The following TTC6 variants were observed in gnomAD, a reference collection of about 807,000 sequenced individuals.
The protein encoded by TTC6 is tetratricopeptide repeat protein 6.
TTC6 carries 172 observed loss-of-function variants against 210.4 expected under a neutral mutation model. The observed-to-expected ratio is 0.82, with a 90% CI of 0.72 to 0.93. The LOEUF (loss-of-function observed/expected upper bound fraction) is 0.93, where lower values mean the gene tolerates loss of function less well. Among genes scored for constraint, TTC6 ranks in the 40% least tolerant of loss-of-function variants. The probability of loss-of-function intolerance (pLI) is 0.00; values close to 1 mark genes in which losing one functional copy is unlikely to be tolerated. For missense variants in TTC6, 2,414 were observed against 2,318.1 expected (o/e 1.04, Z -0.85); for synonymous variants, 804 against 819.6 (o/e 0.98, Z 0.32).
intron 14 of TTC6, among the ~76,000 whole-genome samples, chr14:37,756,167 A>G (rs2095966968): frequency 6.6e-6 from 1 of 152,190 alleles, no homozygotes; most frequent in Non-Finnish European, 1.5e-5. Context: ...TTATTGGTGT[A>G]TAGGAATGCT....
chr14:37,791,311 A>G (rs1595272094), intron 16 of TTC6, among the ~76,000 whole-genome samples: 2 of 152,302 alleles, frequency 1.3e-5, no homozygotes, highest in East Asian at 3.9e-4. Context: ...AAACACTAAT[A>G]CCATGTAGAC....
intron 1 of TTC6, among the ~76,000 whole-genome samples, chr14:37,647,779 A>T (rs1355053526): frequency 2.6e-5 from 4 of 152,146 alleles, no homozygotes; most frequent in African/African-American, 9.7e-5. Context: ...GCTAGAAAGC[A>T]AAAGAGACCT....
intron 1 of TTC6, among the ~76,000 whole-genome samples, chr14:37,640,439 T>C (rs893042112): frequency 4.6e-5 from 7 of 152,206 alleles, no homozygotes; most frequent in Non-Finnish European, 1.0e-4. Flanking sequence ...CAGGTACAAT[T>C]ACTTGGATAT....
chr14:37,639,715 CAAAAAAAA>C (rs35837305), intron 1 of TTC6, among the ~76,000 whole-genome samples: 1 of 74,196 alleles, frequency 1.3e-5, no homozygotes, highest in Admixed American at 1.7e-4. Context: ...ACAAGAAATA[CAAAAAAAA>C]AAAAAAAAAA....
chr14:37,820,985 T>C (rs997645161), intron 26 of TTC6, among the ~76,000 whole-genome samples: 1 of 141,214 alleles, frequency 7.1e-6, no homozygotes, highest in Non-Finnish European at 1.5e-5. Context: ...TTCCTCTTCA[T>C]CCTGTTCCTC....
intron 7 of TTC6, among the ~76,000 whole-genome samples, chr14:37,728,417 CAAAA>C (rs5807966): frequency 6.7e-6 from 1 of 148,402 alleles, no homozygotes. Flanking sequence ...CTATCACTAC[CAAAA>C]AAAAAAAAAA....
At chr14:37,770,873 T>G (rs1369078464) in intron 14 of TTC6, among the ~76,000 whole-genome samples, 15 of 150,834 alleles carry the variant, frequency 9.9e-5, no homozygotes, top group Non-Finnish European at 1.8e-4. Context: ...TTTCGCTCAT[T>G]AGTTGATGCA....
At chr14:37,596,891 C>T (rs761746595) in intron 1 of TTC6, among the ~76,000 whole-genome samples, 3 of 151,944 alleles carry the variant, frequency 2.0e-5, no homozygotes, top group African/African-American at 7.3e-5. Flanking sequence ...TGAAATCTGG[C>T]AAGAGAATCA....
At chr14:37,816,060 A>G (rs1053406533) in intron 25 of TTC6, among the ~76,000 whole-genome samples, 2 of 152,054 alleles carry the variant, frequency 1.3e-5, no homozygotes, top group Non-Finnish European at 2.9e-5. Flanking sequence ...AGCAAAAAAA[A>G]AAAAAAAATC....
Position 37,750,587 on chromosome 14 carries a change from C to A in TTC6, c.2957-466C>A, listed in dbSNP as rs553830926. Among the ~76,000 whole-genome samples, 7 of 152,160 alleles carry A rather than the reference C, an allele frequency of 4.6e-5. No individual in the cohort carries two copies. In the South Asian group the frequency reaches 1.5e-3, roughly 32 times the overall value. On this transcript the variant is annotated intron_variant, in intron 12 of 30. Transcript: ENST00000553443. ...AGAACAAATTTGGCATTGTCGAAATCAAAATTAAATGAAATGGGCCCAGGC... is the reference window on the plus strand; with the variant it reads ...AGAACAAATTTGGCATTGTCGAAATAAAAATTAAATGAAATGGGCCCAGGC...
At chr14:37,760,485 C>T (rs577292041) in intron 14 of TTC6, among the ~76,000 whole-genome samples, 49 of 152,300 alleles carry the variant, frequency 3.2e-4, no homozygotes, top group African/African-American at 1.1e-3. Context: ...GGTCAGGGAC[C>T]CACTTGAGGA....
chr14:37,608,249 T>C (rs1223044194), intron 2 of TTC6, among the ~76,000 whole-genome samples: 1 of 152,168 alleles, frequency 6.6e-6, no homozygotes, highest in African/African-American at 2.4e-5. Flanking sequence ...TTATTTATAG[T>C]TTCTGCCTTT....
At chr14:37,836,826 A>T (rs1433115982) in intron 29 of TTC6, among the ~76,000 whole-genome samples, 1 of 152,134 alleles carries the variant, frequency 6.6e-6, no homozygotes, top group Non-Finnish European at 1.5e-5. Flanking sequence ...AGGGTCCCTC[A>T]TCTGATCTAA....
At chr14:37,674,637 A>G (rs2138504667) in intron 1 of TTC6, among the ~76,000 whole-genome samples, 1 of 152,294 alleles carries the variant, frequency 6.6e-6, no homozygotes, top group East Asian at 1.9e-4. Flanking sequence ...CGTGTGCTCA[A>G]CCGCTTTATC....
exon 15 of TTC6, chr14:37,787,628 A>T: frequency 6.8e-7 from 1 of 1,474,230 alleles, no homozygotes. Flanking sequence ...ACAGGATTAT[A>T]GTGTTTCAGG....
At chr14:37,832,331 T>C (rs796107546) in intron 29 of TTC6, among the ~76,000 whole-genome samples, 11 of 3,636 alleles carry the variant, frequency 3.0e-3, no homozygotes, top group Non-Finnish European at 0.011. Context: ...CTTTCTCTCT[T>C]TTTTTTTTTT....
intron 16 of TTC6, among the ~76,000 whole-genome samples, chr14:37,791,858 C>T (rs552914029): frequency 5.3e-5 from 8 of 152,058 alleles, no homozygotes; most frequent in African/African-American, 1.9e-4. Context: ...GGATTTTAAC[C>T]CCAAGCCACC....
intron 3 of TTC6, among the ~76,000 whole-genome samples, chr14:37,692,668 G>C (rs553865169): frequency 2.6e-5 from 4 of 151,912 alleles, no homozygotes; most frequent in African/African-American, 4.8e-5. Context: ...AGACAAGCCT[G>C]GCCAACACAG....
Position 37,826,231 on chromosome 14 carries a change from A to G in TTC6, c.5011A>G (p.Thr1671Ala), listed in dbSNP as rs1256446586. Residue 1671 changes from threonine (T) to alanine (A), a missense_variant, in exon 28 of 31, where the codon ACC becomes GCC. Transcript: ENST00000553443. ...ATTCCAGAAAGCTTGGAACCACTTT[A>G]CCATTGCCATAGATACTGATCCAAA... is the stretch of plus-strand genomic sequence containing the variant. The G allele has an allele frequency of 2.5e-6, 4 of 1,608,608 alleles. No individual in the cohort carries two copies. In the South Asian group the frequency reaches 4.5e-5, roughly 18 times the overall value.
Sources: allele counts gnomAD v4.1 joint callset (sites outside exome capture counted in the v4.1 genomes callset), GRCh38; gene constraint gnomAD v4.1.1; transcripts MANE v1.5; gene names NCBI Gene and HGNC (gene_info 2026-07-23, HGNC 2026-07-21).